ELOVL4: variants seen among roughly 807,000 people sequenced by gnomAD.
ELOVL4 encodes very long chain fatty acid elongase 4.
ELOVL4 carries 18 observed loss-of-function variants against 42.1 expected under a neutral mutation model. The observed-to-expected ratio is 0.43, with a 90% CI of 0.30 to 0.63. The LOEUF is 0.63. ELOVL4 is among the 30% of genes least tolerant of loss of function. The pLI is 0.15. For synonymous variants in ELOVL4, 117 were observed against 127.0 expected, an observed-to-expected ratio of 0.92 and a Z score of 0.53; for missense variants, 299 against 376.2, an observed-to-expected ratio of 0.79 and a Z score of 1.70.
intron 1 of ELOVL4, among the ~76,000 whole-genome samples, chr6:79,931,050 T>C (rs1242761601): frequency 1.3e-5 from 2 of 152,214 alleles, no homozygotes; most frequent in African/African-American, 4.8e-5. Context: ...ATATGTTTTA[T>C]GTAGCATTCT....
At chr6:79,931,315 T>C (rs1239302806) in intron 1 of ELOVL4, among the ~76,000 whole-genome samples, 1 of 152,132 alleles carries the variant, frequency 6.6e-6, no homozygotes, top group Non-Finnish European at 1.5e-5. Context: ...TCATAAAATT[T>C]TAGATTTAGA....
rs560478977 is a variant in ELOVL4, at chr6:79,946,700, G to C, written c.100+480C>G. Among the ~76,000 whole-genome samples, 7 of 152,368 alleles carry C rather than the reference G, an allele frequency of 4.6e-5. No individual in the cohort carries two copies. The South Asian group carries it at 1.4e-3, about 32-fold the overall frequency. Reference sequence around the variant, plus strand: ...TAGAAGAAAAGATTAGCAGGGTTCTGTCAAAGCGACCAGGAGGCTGAAGAA... The same window carrying C: ...TAGAAGAAAAGATTAGCAGGGTTCTCTCAAAGCGACCAGGAGGCTGAAGAA... On this transcript the variant is annotated intron_variant, in intron 1 of 5. Coordinates refer to ENST00000369816, the MANE Select transcript of ELOVL4 (RefSeq NM_022726.4).
intron 1 of ELOVL4, among the ~76,000 whole-genome samples, chr6:79,936,379 C>T (rs1016361197): frequency 3.3e-5 from 5 of 152,080 alleles, no homozygotes; most frequent in Admixed American, 6.5e-5. Context: ...AATCCATTTG[C>T]CTTTACTGAT....
intron 1 of ELOVL4, among the ~76,000 whole-genome samples, chr6:79,932,829 G>A (rs1774471172): frequency 1.3e-5 from 2 of 150,030 alleles, no homozygotes; most frequent in South Asian, 4.1e-4. Context: ...TCAGAGGAGT[G>A]TCTTATGAAC....
intron 1 of ELOVL4, among the ~76,000 whole-genome samples, chr6:79,927,593 G>A (rs6928446): frequency 0.15 from 22,716 of 151,992 alleles, 1,918 homozygotes; most frequent in South Asian, 0.36. Context: ...TACAAGATAC[G>A]AAACACAATA....
intron 1 of ELOVL4, among the ~76,000 whole-genome samples, chr6:79,929,800 T>C (rs1230116543): frequency 6.6e-6 from 1 of 152,198 alleles, no homozygotes; most frequent in African/African-American, 2.4e-5. Context: ...CATGTTACTA[T>C]TCCATTACAG....
In ELOVL4 at chr6:79,916,403, A is replaced by G. The variant is rs1275679449; in HGVS notation, c.*205T>C. ...GGAGAATATCAAGGCTAATTTTTAA[A>G]AAAAATGTTTAAAATAAAAACTTCA... On this transcript the variant is annotated 3_prime_UTR_variant, in exon 6 of 6. Transcript: ENST00000369816. 1 of 612,180 alleles carries G rather than the reference A, an allele frequency of 1.6e-6. No homozygotes were observed. The highest frequency in any genetic ancestry group is 1.9e-5 in the African/African-American group (1 of 53,920). 37.9% of individuals were successfully genotyped at this position (612,180 alleles called of 1,614,324 possible).
chr6:79,933,528 G>A (rs1487959285), intron 1 of ELOVL4, among the ~76,000 whole-genome samples: 3 of 152,162 alleles, frequency 2.0e-5, no homozygotes, highest in Non-Finnish European at 4.4e-5. Context: ...ACCACACCCA[G>A]CCAGTTTTGG....
At chr6:79,922,633 G>A (rs370818826) in intron 3 of ELOVL4, among the ~76,000 whole-genome samples, 1 of 152,112 alleles carries the variant, frequency 6.6e-6, no homozygotes, top group East Asian at 1.9e-4. Flanking sequence ...TAACAATTAA[G>A]GCAGTACATA....
intron 3 of ELOVL4, 37 bp from the exon 4 acceptor site, chr6:79,921,833 G>A: frequency 6.3e-7 from 1 of 1,593,266 alleles, no homozygotes. Flanking sequence ...ACACCAAAAT[G>A]ACACTATTGT....
rs34673896 is a variant in ELOVL4, at chr6:79,928,727, G to GTTT, written c.101-2349_101-2347dup. On this transcript the variant is annotated intron_variant, in intron 1 of 5. Coordinates refer to ENST00000369816, the MANE Select transcript of ELOVL4 (RefSeq NM_022726.4). The stretch of plus-strand genomic sequence containing the variant: ...TACCAGTAAGTAGACTGGTGACTGG[G>GTTT]TTTTTTTTTTTTTTTTTTTTTTTTT... 4.3e-3 allele frequency among the ~76,000 whole-genome samples: 325 copies of GTTT among 75,602 alleles called. 27 individuals are homozygous for GTTT. The highest frequency in any genetic ancestry group is 0.011 in the African/African-American group (179 of 15,718). The allele number at this position is 75,602 out of a possible 152,430, so 49.6% of individuals were successfully genotyped here.
intron 1 of ELOVL4, among the ~76,000 whole-genome samples, chr6:79,940,274 C>G (rs975032942): frequency 6.6e-6 from 1 of 152,066 alleles, no homozygotes; most frequent in African/African-American, 2.4e-5. Flanking sequence ...AAATTTTACT[C>G]TAATACAATA....
At position 79,928,510 on chromosome 6, in the gene ELOVL4, G is replaced by C. The variant is rs555971539; in HGVS notation, c.101-2129C>G. ...AAGTGCTCATTCTTTTTGATGTACAGTGTGGTATGCTGTATCGTTTTCATT... is the reference window on the plus strand; with the variant it reads ...AAGTGCTCATTCTTTTTGATGTACACTGTGGTATGCTGTATCGTTTTCATT... On this transcript the variant is annotated intron_variant, in intron 1 of 5. Coordinates refer to ENST00000369816, the MANE Select transcript of ELOVL4 (RefSeq NM_022726.4). Among the ~76,000 whole-genome samples, 7 of 152,230 alleles carry C rather than the reference G, an allele frequency of 4.6e-5. No individual in the cohort carries two copies. In the East Asian group the frequency reaches 7.7e-4, roughly 17 times the overall value.
At chr6:79,927,081 A>T (rs991488610) in intron 1 of ELOVL4, among the ~76,000 whole-genome samples, 2 of 152,182 alleles carry the variant, frequency 1.3e-5, no homozygotes, top group African/African-American at 4.8e-5. Flanking sequence ...TATATATAAA[A>T]TGCAACACAT....
At chr6:79,934,745 T>C (rs1421460934) in intron 1 of ELOVL4, among the ~76,000 whole-genome samples, 1 of 152,168 alleles carries the variant, frequency 6.6e-6, no homozygotes, top group African/African-American at 2.4e-5. Flanking sequence ...TTATAGATGA[T>C]AGTAGGGCTG....
chr6:79,926,845 G>A (rs923705018), intron 1 of ELOVL4, among the ~76,000 whole-genome samples: 2 of 152,170 alleles, frequency 1.3e-5, no homozygotes, highest in Non-Finnish European at 2.9e-5. Context: ...ACGGGGCGAT[G>A]GTAGCCATTT....
intron 3 of ELOVL4, among the ~76,000 whole-genome samples, chr6:79,923,738 T>G (rs941920435): frequency 6.6e-6 from 1 of 152,154 alleles, no homozygotes. Flanking sequence ...CTGTCCCCAG[T>G]ACCAACATAT....
chr6:79,931,413 G>A (rs1254073578), intron 1 of ELOVL4, among the ~76,000 whole-genome samples: 1 of 152,152 alleles, frequency 6.6e-6, no homozygotes, highest in African/African-American at 2.4e-5. Flanking sequence ...TAACCTAGCA[G>A]CTGTTGTAGG....
At chr6:79,946,790 T>C (rs767623504) in intron 1 of ELOVL4, among the ~76,000 whole-genome samples, 9 of 151,954 alleles carry the variant, frequency 5.9e-5, no homozygotes, top group Non-Finnish European at 1.3e-4. Context: ...CCATACAAAA[T>C]AGGACTAAAT....
Sources: gnomAD v4.1 joint callset for allele counts (sites outside exome capture counted in the v4.1 genomes callset) on GRCh38, gnomAD v4.1.1 for gene constraint, MANE v1.5 for transcripts, NCBI Gene and HGNC (gene_info 2026-07-23, HGNC 2026-07-21) for gene names.